The following LATS2 variants were observed in gnomAD, a reference collection of about 807,000 sequenced individuals.
LATS2 encodes serine/threonine-protein kinase LATS2.
Under a neutral mutation model 76.0 loss-of-function variants are expected in LATS2, and 24 were observed. The ratio of observed to expected loss-of-function variants is 0.32; its 90% CI spans 0.23 to 0.44. The LOEUF (loss-of-function observed/expected upper bound fraction) is 0.44, where lower values mean the gene tolerates loss of function less well. Among genes scored for constraint, LATS2 ranks in the 20% least tolerant of loss-of-function variants. The pLI, the probability that LATS2 is intolerant of heterozygous loss-of-function variation, is 1.00. For synonymous variants in LATS2, 692 were observed against 635.4 expected (o/e 1.09, Z -1.34); for missense variants, 1,286 against 1,481.2 (o/e 0.87, Z 2.16).
At chr13:21,038,090 A>G (rs1357477586) in intron 2 of LATS2, among the ~76,000 whole-genome samples, 1 of 152,106 alleles carries the variant, frequency 6.6e-6, no homozygotes, top group Non-Finnish European at 1.5e-5. Context: ...TGGGTGACAA[A>G]GCAAGACCCT....
chr13:20,994,825 A>C (rs1870674731), intron 2 of LATS2, among the ~76,000 whole-genome samples: 1 of 150,468 alleles, frequency 6.6e-6, no homozygotes, highest in Non-Finnish European at 1.5e-5. Flanking sequence ...GAAGTAGGGC[A>C]GGCTGGGCAA....
chr13:21,019,310 A>C (rs891728948), intron 2 of LATS2, among the ~76,000 whole-genome samples: 7 of 121,954 alleles, frequency 5.7e-5, no homozygotes, highest in African/African-American at 2.4e-4. Flanking sequence ...TATTATTATT[A>C]TTATTATTAT....
At chr13:21,047,570 A>G (rs1483563829) in intron 1 of LATS2, among the ~76,000 whole-genome samples, 2 of 152,196 alleles carry the variant, frequency 1.3e-5, no homozygotes, top group Non-Finnish European at 2.9e-5. Flanking sequence ...GAGTTTTAAT[A>G]AACGAAGAAC....
intron 2 of LATS2, among the ~76,000 whole-genome samples, chr13:21,029,197 T>C (rs79207591): frequency 0.024 from 3,649 of 152,354 alleles, 59 homozygotes; most frequent in East Asian, 0.059. Context: ...ATGTTGATGT[T>C]ACCTGTGGAT....
intron 2 of LATS2, among the ~76,000 whole-genome samples, chr13:21,036,383 G>A (rs1267951049): frequency 4.6e-5 from 7 of 152,108 alleles, no homozygotes; most frequent in African/African-American, 1.7e-4. Flanking sequence ...CTTAATAAGA[G>A]CCTCCCTACT....
intron 1 of LATS2, among the ~76,000 whole-genome samples, chr13:21,058,879 G>C (rs1873533150): frequency 6.6e-6 from 1 of 151,424 alleles, no homozygotes; most frequent in African/African-American, 2.4e-5. Flanking sequence ...GTCATAAACA[G>C]TTTATACGTT....
intron 4 of LATS2, among the ~76,000 whole-genome samples, chr13:20,985,975 C>T (rs755009205): frequency 3.6e-4 from 55 of 152,062 alleles, no homozygotes; most frequent in Non-Finnish European, 7.1e-4. Flanking sequence ...ACCCGGGAGG[C>T]GGAGGTTGTG....
intron 2 of LATS2, among the ~76,000 whole-genome samples, chr13:21,030,612 G>GA (rs373077961): frequency 1.3e-4 from 16 of 124,064 alleles, no homozygotes; most frequent in South Asian, 7.2e-4. Context: ...AAAAAAAAAA[G>GA]AAAAAAAAAA....
intron 1 of LATS2, among the ~76,000 whole-genome samples, chr13:21,046,728 T>C (rs1448900430): frequency 6.6e-6 from 1 of 152,156 alleles, no homozygotes; most frequent in Non-Finnish European, 1.5e-5. Flanking sequence ...CTTTTCCTTA[T>C]AAAACCCTCC....
chr13:20,984,303 C>G lies in LATS2; in HGVS notation c.1900-497G>C, dbSNP rs529854067. ...AAAAGTTAAGATAAAAAAGAAAGTT[C>G]TTTCTCTAGGATACTTTTGGCTCTA... On this transcript the variant is annotated intron_variant, in intron 4 of 7. Transcript: ENST00000382592. 2.6e-5 allele frequency among the ~76,000 whole-genome samples: 4 copies of G among 152,206 alleles called. No individual in the cohort carries two copies. The South Asian group carries it at 8.3e-4, about 32-fold the overall frequency.
rs375149933 is a variant in LATS2 at position 20,989,224 on chromosome 13, G to C, written c.556C>G (p.Leu186Val). 1 of 1,613,948 alleles carries C rather than the reference G, an allele frequency of 6.2e-7. No individual in the cohort carries two copies. Residue 186 changes from leucine (L) to valine (V), a missense_variant, in exon 4 of 8, where the codon CTG (leucine) becomes GTG (valine). Physicochemically the swap from Leu to Val is conservative, Grantham distance 32. Around this residue, in one of 5 missense-constraint regions of LATS2, gnomAD observed 710 missense variants for 660.9 expected, o/e 1.07. Coordinates refer to ENST00000382592, the MANE Select transcript of LATS2 (RefSeq NM_014572.3). ...GGGCCCTCGTAGGGGGTACCGCTCA[G>C]CTGGTGGTAGGACGCAAACGAATCG... Reference protein sequence around the residue: ...TGDSFASYHQLSGTPYEGPSF... With the variant: ...TGDSFASYHQVSGTPYEGPSF...
intron 2 of LATS2, among the ~76,000 whole-genome samples, chr13:21,001,869 A>G (rs1464327106): frequency 6.7e-6 from 1 of 150,198 alleles, no homozygotes; most frequent in East Asian, 2.0e-4. Context: ...ACAGAGTGAG[A>G]CTCCGTCTCA....
intron 2 of LATS2, among the ~76,000 whole-genome samples, chr13:21,004,686 T>TAGCA (rs2138325062): frequency 6.6e-6 from 1 of 152,258 alleles, no homozygotes; most frequent in African/African-American, 2.4e-5. Context: ...TTTGCTCTAA[T>TAGCA]AGCACCATGG....
intron 2 of LATS2, among the ~76,000 whole-genome samples, chr13:20,998,670 T>C (rs1016710898): frequency 1.3e-5 from 2 of 152,204 alleles, no homozygotes; most frequent in Non-Finnish European, 2.9e-5. Context: ...GCCCCACCAT[T>C]GCGTGCCCCT....
chr13:21,030,914 A>C (rs76024894), intron 2 of LATS2, among the ~76,000 whole-genome samples: 3,798 of 151,838 alleles, frequency 0.025, 82 homozygotes, highest in Middle Eastern at 0.044. Context: ...CCTGGTAACA[A>C]ATTTTCTCAG....
At chr13:21,059,749 T>C (rs2138423439) in intron 1 of LATS2, among the ~76,000 whole-genome samples, 1 of 152,216 alleles carries the variant, frequency 6.6e-6, no homozygotes, top group South Asian at 2.1e-4. Flanking sequence ...GTGGATCACC[T>C]GAGGTCAGGA....
chr13:21,026,484 T>C (rs1872315844), intron 2 of LATS2, among the ~76,000 whole-genome samples: 1 of 152,256 alleles, frequency 6.6e-6, no homozygotes, highest in Admixed American at 6.5e-5. Flanking sequence ...ATTGTAGGGA[T>C]GTGCCAAAAT....
At chr13:21,040,632 C>T (rs186033784) in intron 2 of LATS2, among the ~76,000 whole-genome samples, 7 of 152,172 alleles carry the variant, frequency 4.6e-5, no homozygotes, top group Non-Finnish European at 1.0e-4. Flanking sequence ...TGAGACACTG[C>T]AGAGAGCTCC....
At position 20,974,623 on chromosome 13, in the gene LATS2, C is replaced by T. The variant is rs941215341; in HGVS notation, c.*247G>A. 2.5e-5 allele frequency: 12 copies of T among 473,720 alleles called. No individual in the cohort carries two copies. In the Admixed American group the frequency reaches 4.3e-4, roughly 17 times the overall value. The allele number at this position is 473,720 out of a possible 1,614,324, so 29.3% of individuals were successfully genotyped here. A position where few individuals can be genotyped will look rare whatever the true frequency, so the allele number is the denominator to read the frequency against. ...AAATAAGTGCTCTTTCTAAACTGTA[C>T]TAAATTTTCAAAAATATTGTTTTAA... On this transcript the variant is annotated 3_prime_UTR_variant, in exon 8 of 8. Transcript: ENST00000382592.
Sources: gnomAD v4.1 joint callset for allele counts (sites outside exome capture counted in the v4.1 genomes callset) on GRCh38, gnomAD v4.1.1 for gene constraint, gnomAD v4.1.1 regional missense constraint, MANE v1.5 for transcripts, NCBI Gene and HGNC (gene_info 2026-07-23, HGNC 2026-07-21) for gene names.